The following ATXN8OS variants were observed in gnomAD, a reference collection of about 807,000 sequenced individuals.
ATXN8OS encodes ATXN8 opposite strand (non-protein coding).
chr13:70,154,192 C>G (rs1888907983), intron 4 of ATXN8OS, among the ~76,000 whole-genome samples: 1 of 152,136 alleles, frequency 6.6e-6, no homozygotes, highest in East Asian at 1.9e-4. Context: ...TTTTGAGAGG[C>G]ATGTGGGGTT....
chr13:70,147,306 T>C (rs1888799358), intron 3 of ATXN8OS, among the ~76,000 whole-genome samples: 1 of 152,198 alleles, frequency 6.6e-6, no homozygotes, highest in East Asian at 1.9e-4. Flanking sequence ...AGAAAATAAG[T>C]ATAATTTGAA....
At chr13:70,131,074 A>T (rs1433224342) in intron 3 of ATXN8OS, 2 of 398,384 alleles carry the variant, frequency 5.0e-6, no homozygotes, top group Non-Finnish European at 8.8e-6. Flanking sequence ...ATTTTGTCTT[A>T]TCTCTTATCC....
intron 3 of ATXN8OS, among the ~76,000 whole-genome samples, chr13:70,139,755 T>G (rs1289005394): frequency 6.6e-6 from 1 of 152,134 alleles, no homozygotes; most frequent in African/African-American, 2.4e-5. Flanking sequence ...AGAAGGTGCA[T>G]AACATAAATT....
upstream of ATXN8OS, chr13:70,107,662 T>C (rs750856218): frequency 7.8e-6 from 12 of 1,538,974 alleles, no homozygotes; most frequent in Non-Finnish European, 9.6e-6. Flanking sequence ...TCGCAGAATG[T>C]GCTTCACATC....
intron 2 of ATXN8OS, among the ~76,000 whole-genome samples, chr13:70,121,880 A>C (rs1202500037): frequency 6.6e-6 from 1 of 152,114 alleles, no homozygotes; most frequent in East Asian, 1.9e-4. Flanking sequence ...TAATCGGGTC[A>C]GGAAAGAGAT....
chr13:70,146,104 G>C (rs1488303963), intron 3 of ATXN8OS, among the ~76,000 whole-genome samples: 1 of 145,976 alleles, frequency 6.9e-6, no homozygotes, highest in Non-Finnish European at 1.5e-5. Context: ...GTGGGCAAAG[G>C]ATATGAACAG....
intron 2 of ATXN8OS, among the ~76,000 whole-genome samples, chr13:70,125,140 T>G (rs1888412898): frequency 6.6e-6 from 1 of 152,158 alleles, no homozygotes; most frequent in Admixed American, 6.5e-5. Context: ...TTACCCTAAT[T>G]TTTAAAAATC....
intron 2 of ATXN8OS, among the ~76,000 whole-genome samples, chr13:70,124,011 A>G (rs1176884307): frequency 2.0e-5 from 3 of 152,156 alleles, no homozygotes; most frequent in East Asian, 1.9e-4. Flanking sequence ...TAATTTGTAC[A>G]TAATAGATTT....
chr13:70,107,588 G>T (rs751816506), upstream of ATXN8OS: 2 of 1,602,898 alleles, frequency 1.2e-6, no homozygotes, highest in Non-Finnish European at 1.7e-6. Flanking sequence ...TCCTGTTGCA[G>T]GCAGCCTCCC....
At chr13:70,122,575 T>C (rs954353589) in intron 2 of ATXN8OS, among the ~76,000 whole-genome samples, 5 of 151,962 alleles carry the variant, frequency 3.3e-5, no homozygotes, top group African/African-American at 1.2e-4. Context: ...ATAAATAAAC[T>C]GAAACTCTCC....
intron 2 of ATXN8OS, among the ~76,000 whole-genome samples, chr13:70,121,815 T>C (rs1276195393): frequency 1.3e-5 from 2 of 151,948 alleles, no homozygotes; most frequent in East Asian, 3.9e-4. Context: ...ATCTTAGAGA[T>C]GAGAAGCAGC....
In ATXN8OS at chr13:70,112,434, A is replaced by T. The variant is rs116504713; in HGVS notation, n.241-2707A>T. Among the ~76,000 whole-genome samples, 438 of 152,306 alleles carry T rather than the reference A, an allele frequency of 2.9e-3. 6 individuals carry two copies. The highest frequency in any genetic ancestry group is 9.6e-3 in the African/African-American group (398 of 41,580). Reference sequence around the variant, plus strand: ...CTTTTTTTCCCAAAATGATTGAAACATAATATCATATAGCACTAATGCTAA... The same window carrying T: ...CTTTTTTTCCCAAAATGATTGAAACTTAATATCATATAGCACTAATGCTAA... On this transcript the variant is annotated intron_variant and non_coding_transcript_variant, in intron 1 of 4. Coordinates refer to ENST00000678624, the Ensembl canonical transcript of ATXN8OS.
intron 4 of ATXN8OS, among the ~76,000 whole-genome samples, chr13:70,150,899 T>C (rs1486101358): frequency 1.3e-5 from 2 of 152,142 alleles, no homozygotes; most frequent in Admixed American, 1.3e-4. Flanking sequence ...AAAATAGAGT[T>C]GGCATTTTAC....
intron 4 of ATXN8OS, among the ~76,000 whole-genome samples, chr13:70,166,766 C>T (rs1251934789): frequency 2.0e-5 from 3 of 152,084 alleles, no homozygotes; most frequent in Non-Finnish European, 4.4e-5. Flanking sequence ...TTCCAACCTA[C>T]TCATCTGACA....
intron 2 of ATXN8OS, among the ~76,000 whole-genome samples, chr13:70,117,376 A>T (rs562314867): frequency 7.2e-5 from 11 of 152,254 alleles, no homozygotes; most frequent in African/African-American, 2.6e-4. Flanking sequence ...AAATGAAAAA[A>T]ACTATGCTTT....
chr13:70,112,483 T>C (rs976308345), intron 1 of ATXN8OS, among the ~76,000 whole-genome samples: 1 of 152,022 alleles, frequency 6.6e-6, no homozygotes, highest in Non-Finnish European at 1.5e-5. Context: ...TAATCAAGGG[T>C]TCCTACCTCT....
At chr13:70,165,057 T>A (rs796860086) in intron 4 of ATXN8OS, among the ~76,000 whole-genome samples, 1 of 151,956 alleles carries the variant, frequency 6.6e-6, no homozygotes, top group Non-Finnish European at 1.5e-5. Flanking sequence ...ATATGGCCTC[T>A]GGATTTACAG....
chr13:70,147,955 T>G (rs1185283925), intron 4 of ATXN8OS, among the ~76,000 whole-genome samples: 3 of 152,172 alleles, frequency 2.0e-5, no homozygotes, highest in Non-Finnish European at 4.4e-5. Context: ...CTTGAAGCGG[T>G]GGCTTCCAGG....
intron 1 of ATXN8OS, chr13:70,108,296 C>G (rs973957630): frequency 2.0e-5 from 7 of 355,232 alleles, no homozygotes; most frequent in East Asian, 8.5e-5. Context: ...CCCCGATAGC[C>G]TGCCGGGTGG....
Sources: gnomAD v4.1 joint callset for allele counts (sites outside exome capture counted in the v4.1 genomes callset) on GRCh38, gnomAD v4.1.1 for gene constraint, MANE v1.5 for transcripts, NCBI Gene and HGNC (gene_info 2026-07-23, HGNC 2026-07-21) for gene names.